BICC1: variants seen among roughly 807,000 people sequenced by gnomAD.
The protein encoded by BICC1 is protein bicaudal C homolog 1.
In BICC1, 43 loss-of-function variants were observed where a neutral mutation model predicts 111.0. That is an observed-to-expected ratio of 0.39 (90% CI 0.30 to 0.50). The LOEUF is 0.50. BICC1 is among the 20% of genes least tolerant of loss of function. The pLI is 0.88. For synonymous variants in BICC1, 467 were observed against 434.4 expected (o/e 1.07, Z -0.93); for missense variants, 1,091 against 1,203.2 (o/e 0.91, Z 1.38).
At chr10:58,579,060 T>G (rs539038274) in intron 1 of BICC1, among the ~76,000 whole-genome samples, 8 of 152,288 alleles carry the variant, frequency 5.3e-5, no homozygotes, top group African/African-American at 1.9e-4. Context: ...TTGTGCCCTG[T>G]TGAGAATTGA....
intron 3 of BICC1, among the ~76,000 whole-genome samples, chr10:58,714,578 G>C (rs1483725618): frequency 6.6e-6 from 1 of 152,066 alleles, no homozygotes; most frequent in Non-Finnish European, 1.5e-5. Context: ...ATTCCTCTTT[G>C]CTGGAATGTG....
At chr10:58,676,559 G>A (rs2132342592) in intron 2 of BICC1, among the ~76,000 whole-genome samples, 1 of 152,292 alleles carries the variant, frequency 6.6e-6, no homozygotes, top group Non-Finnish European at 1.5e-5. Flanking sequence ...GGGGCTTATA[G>A]CTAAAACTCT....
chr10:58,726,490 C>G (rs1841109858), intron 3 of BICC1, among the ~76,000 whole-genome samples: 1 of 152,184 alleles, frequency 6.6e-6, no homozygotes, highest in African/African-American at 2.4e-5. Context: ...CTGGGCAACC[C>G]ATCATCTTCA....
chr10:58,794,136 C>A (rs1401183223), intron 9 of BICC1, among the ~76,000 whole-genome samples: 3 of 147,002 alleles, frequency 2.0e-5, no homozygotes, highest in African/African-American at 7.6e-5. Context: ...TCTAAGTTAC[C>A]CAAGAGTTGA....
chr10:58,773,540 G>C (rs1031743435), intron 3 of BICC1, among the ~76,000 whole-genome samples: 1 of 152,216 alleles, frequency 6.6e-6, no homozygotes, highest in African/African-American at 2.4e-5. Context: ...GGGGCAAGGG[G>C]AGGACAAGGT....
chr10:58,803,704 T>TG (rs1271281057), intron 15 of BICC1, among the ~76,000 whole-genome samples: 26 of 152,212 alleles, frequency 1.7e-4, no homozygotes, highest in African/African-American at 4.8e-4. Context: ...ATGATGAATA[T>TG]TATTGATGAT....
At chr10:58,542,743 A>G (rs995818041) in intron 1 of BICC1, among the ~76,000 whole-genome samples, 54 of 152,296 alleles carry the variant, frequency 3.5e-4, no homozygotes, top group Admixed American at 2.1e-3. Context: ...CAAACATGAA[A>G]ATATAAACAT....
At chr10:58,825,460 T>C (rs1216937195) in intron 20 of BICC1, among the ~76,000 whole-genome samples, 1 of 152,214 alleles carries the variant, frequency 6.6e-6, no homozygotes, top group East Asian at 1.9e-4. Flanking sequence ...GATACTAGTG[T>C]ATTTTATCAT....
Position 58,793,485 on chromosome 10 carries a change from G to A in BICC1, c.1049G>A (p.Gly350Asp). The A allele has an allele frequency of 6.2e-7, 1 of 1,609,652 alleles. No individual in the cohort carries two copies. The change falls in exon 9 of 21, where the codon GGT becomes GAT. Residue 350 changes from glycine to aspartate, a missense_variant and splice_region_variant. Physicochemically the swap from Gly to Asp is moderately conservative, Grantham distance 94. This residue lies in a region of BICC1 where 843 missense variants were observed against 900.8 expected (regional missense o/e 0.94). Transcript: ENST00000373886. ...SVCLARQYLM[G>D]CLPLVLMFDM... ...ACATTCTATTGTGACATTTTCTAGG[G>A]TTGTCTTCCTCTTGTGTTGATGTTT...
chr10:58,631,488 CTTCT>C (rs1170989628), intron 2 of BICC1, among the ~76,000 whole-genome samples: 1 of 151,532 alleles, frequency 6.6e-6, no homozygotes, highest in African/African-American at 2.4e-5. Context: ...CATTATCTTT[CTTCT>C]TTCTTTTTTT....
At chr10:58,709,742 T>TA (rs1840514688) in intron 3 of BICC1, among the ~76,000 whole-genome samples, 1 of 152,222 alleles carries the variant, frequency 6.6e-6, no homozygotes, top group African/African-American at 2.4e-5. Flanking sequence ...ATAGACCCCT[T>TA]AAGTAAAAAA....
chr10:58,720,553 G>A (rs771553364), intron 3 of BICC1, among the ~76,000 whole-genome samples: 2 of 150,772 alleles, frequency 1.3e-5, no homozygotes, highest in African/African-American at 2.4e-5. Context: ...GATCTCAAAG[G>A]GCTGGGGCAT....
At chr10:58,553,118 A>G (rs907786179) in intron 1 of BICC1, among the ~76,000 whole-genome samples, 6 of 152,082 alleles carry the variant, frequency 3.9e-5, no homozygotes, top group Non-Finnish European at 7.4e-5. Context: ...CAATAAATGT[A>G]TGACAGATGT....
At chr10:58,648,339 C>G (rs920256) in intron 2 of BICC1, among the ~76,000 whole-genome samples, 150,291 of 152,320 alleles carry the variant, frequency 0.99, 74,174 homozygotes, top group East Asian at 1. Flanking sequence ...CAGTGCTTCA[C>G]CCTTGTACTG....
At chr10:58,540,963 A>T (rs1322932177) in intron 1 of BICC1, among the ~76,000 whole-genome samples, 3 of 152,158 alleles carry the variant, frequency 2.0e-5, no homozygotes, top group African/African-American at 7.2e-5. Flanking sequence ...ACACATGATC[A>T]TCTCAATTGA....
intron 1 of BICC1, among the ~76,000 whole-genome samples, chr10:58,620,630 G>C (rs1335900092): frequency 6.6e-6 from 1 of 152,120 alleles, no homozygotes; most frequent in Non-Finnish European, 1.5e-5. Context: ...GAGTCTTTCA[G>C]ACAAAGCAAA....
intron 2 of BICC1, among the ~76,000 whole-genome samples, chr10:58,673,623 T>C (rs1164291177): frequency 6.6e-6 from 1 of 152,152 alleles, no homozygotes; most frequent in Non-Finnish European, 1.5e-5. Flanking sequence ...TTGTTATTTT[T>C]TTCATTTTTA....
chr10:58,649,219 A>G (rs1838364547), intron 2 of BICC1, among the ~76,000 whole-genome samples: 2 of 152,226 alleles, frequency 1.3e-5, no homozygotes, highest in Non-Finnish European at 2.9e-5. Flanking sequence ...CAAGAGGAGG[A>G]GGCCAGAGTT....
intron 3 of BICC1, among the ~76,000 whole-genome samples, chr10:58,764,150 C>A (rs1042512742): frequency 2.0e-5 from 3 of 152,120 alleles, no homozygotes; most frequent in African/African-American, 7.2e-5. Context: ...CTTCAGTAGA[C>A]CCAGGACTCA....
Sources: allele counts gnomAD v4.1 joint callset (sites outside exome capture counted in the v4.1 genomes callset), GRCh38; gene constraint gnomAD v4.1.1; regional missense constraint gnomAD v4.1.1; transcripts MANE v1.5; gene names NCBI Gene and HGNC (gene_info 2026-07-23, HGNC 2026-07-21).